CSMD1: variants seen among roughly 807,000 people sequenced by gnomAD.
CSMD1 encodes CUB and sushi domain-containing protein 1.
In CSMD1, 213 loss-of-function variants were observed where a neutral mutation model predicts 417.5. That is an observed-to-expected ratio of 0.51 (90% CI 0.46 to 0.57). The LOEUF is 0.57. Among genes scored for constraint, CSMD1 ranks in the 20% least tolerant of loss-of-function variants. The pLI is 0.00. For synonymous variants in CSMD1, 2,862 were observed against 1,736.8 expected (o/e 1.65, Z -16.11); for missense variants, 6,923 against 4,529.7 (o/e 1.53, Z -15.17).
chr8:4,959,994 T>A (rs560506000), intron 1 of CSMD1, among the ~76,000 whole-genome samples: 1 of 152,360 alleles, frequency 6.6e-6, no homozygotes, highest in East Asian at 1.9e-4. Flanking sequence ...TTATGGTTTC[T>A]CTTTGCTCAC....
intron 7 of CSMD1, among the ~76,000 whole-genome samples, chr8:3,660,462 A>C (rs1255844997): frequency 7.0e-6 from 1 of 143,234 alleles, no homozygotes; most frequent in Non-Finnish European, 1.5e-5. Context: ...TATGTAAACT[A>C]GGGCTCAGAT....
chr8:3,754,595 C>T (rs1797549490), intron 5 of CSMD1, among the ~76,000 whole-genome samples: 1 of 152,162 alleles, frequency 6.6e-6, no homozygotes, highest in South Asian at 2.1e-4. Context: ...GCTGGGATTA[C>T]AGGCATGCGC....
intron 9 of CSMD1, among the ~76,000 whole-genome samples, chr8:3,576,481 G>C (rs1055771946): frequency 6.6e-6 from 1 of 152,100 alleles, no homozygotes; most frequent in Non-Finnish European, 1.5e-5. Context: ...GTGAAAATGG[G>C]ACAACATAAT....
At position 2,973,120 on chromosome 8, in the gene CSMD1, C is replaced by T. The variant is rs772064577; in HGVS notation, c.8920G>A (p.Glu2974Lys). 6.2e-7 allele frequency: 1 copy of T among 1,613,466 alleles called. No homozygotes were observed. The highest frequency in any genetic ancestry group is 8.5e-7 in the Non-Finnish European group (1 of 1,179,538). ...CTTAAGGCTTCTGGCTACTCACCCT[C>T]ACACACCGGCTGCAGTCCTGACCAT... ...GSWSGLQPVC[E>K]AVSCGNPGTP... Residue 2974 changes from glutamate (E) to lysine (K), a missense_variant, in exon 57 of 70, where the codon GAG becomes AAG. Physicochemically the swap from Glu to Lys is moderately conservative, Grantham distance 56. Coordinates refer to ENST00000635120, the MANE Select transcript of CSMD1 (RefSeq NM_033225.6).
At chr8:3,949,018 A>G (rs1004346398) in intron 5 of CSMD1, among the ~76,000 whole-genome samples, 6 of 152,204 alleles carry the variant, frequency 3.9e-5, no homozygotes, top group African/African-American at 1.4e-4. Flanking sequence ...ATTAAATCTG[A>G]ACTAGAATTT....
chr8:3,745,376 G>A lies in CSMD1; in HGVS notation c.931+8554C>T, dbSNP rs563753001. On this transcript the variant is annotated intron_variant, in intron 6 of 69. Transcript: ENST00000635120. ...ACCACTGAGACTGAGCTGACCAGCA[G>A]GAGGGAACCCTCTGAGACATTTCTT... 2.4e-4 allele frequency among the ~76,000 whole-genome samples: 37 copies of A among 152,268 alleles called. 1 individual carries two copies. The South Asian group carries it at 7.5e-3, about 31-fold the overall frequency.
At chr8:3,658,957 A>G (rs939621842) in intron 7 of CSMD1, among the ~76,000 whole-genome samples, 3 of 152,164 alleles carry the variant, frequency 2.0e-5, no homozygotes, top group Non-Finnish European at 4.4e-5. Context: ...TATAACTTTC[A>G]TATGCTAGGA....
chr8:4,729,444 G>A (rs1186448484), intron 1 of CSMD1, among the ~76,000 whole-genome samples: 1 of 152,164 alleles, frequency 6.6e-6, no homozygotes, highest in Non-Finnish European at 1.5e-5. Flanking sequence ...TTGCGGCAGA[G>A]GGGAGCAGAG....
intron 4 of CSMD1, among the ~76,000 whole-genome samples, chr8:4,021,555 A>C (rs1165830930): frequency 1.3e-5 from 2 of 152,312 alleles, no homozygotes; most frequent in East Asian, 3.9e-4. Flanking sequence ...CCTTCTGAGC[A>C]GGTGCACCTG....
intron 1 of CSMD1, among the ~76,000 whole-genome samples, chr8:4,936,156 C>A (rs1039227917): frequency 3.3e-5 from 5 of 152,288 alleles, no homozygotes; most frequent in African/African-American, 1.2e-4. Context: ...CTTGCTACAT[C>A]TAGATCCTGA....
intron 4 of CSMD1, among the ~76,000 whole-genome samples, chr8:4,019,252 C>G (rs1202121658): frequency 2.0e-5 from 3 of 152,186 alleles, no homozygotes; most frequent in Non-Finnish European, 2.9e-5. Context: ...GGCACTCTCT[C>G]TTACAGACTA....
intron 2 of CSMD1, among the ~76,000 whole-genome samples, chr8:4,530,977 C>T (rs1215220601): frequency 6.6e-6 from 1 of 152,036 alleles, no homozygotes; most frequent in African/African-American, 2.4e-5. Context: ...CCCTCCGGCA[C>T]CAAGATGTGA....
intron 3 of CSMD1, among the ~76,000 whole-genome samples, chr8:4,349,281 T>C (rs894203704): frequency 6.6e-6 from 1 of 152,178 alleles, no homozygotes; most frequent in Non-Finnish European, 1.5e-5. Flanking sequence ...AAAACAATTT[T>C]TGCAGCAGTG....
intron 7 of CSMD1, among the ~76,000 whole-genome samples, chr8:3,659,268 T>A (rs1325527245): frequency 1.3e-5 from 2 of 152,202 alleles, no homozygotes; most frequent in African/African-American, 4.8e-5. Flanking sequence ...TAACAAAGAC[T>A]ACCAAATTGC....
chr8:4,964,305 A>G (rs575283659), intron 1 of CSMD1, among the ~76,000 whole-genome samples: 3 of 151,998 alleles, frequency 2.0e-5, no homozygotes, highest in South Asian at 4.2e-4. Flanking sequence ...CTTAAGTCCC[A>G]AAGTTCAACA....
intron 3 of CSMD1, among the ~76,000 whole-genome samples, chr8:4,155,525 GT>G (rs1796790087): frequency 6.6e-6 from 1 of 152,060 alleles, no homozygotes; most frequent in African/African-American, 2.4e-5. Context: ...AACTTAAATG[GT>G]TAAAAAAGTT....
At chr8:3,914,942 G>A (rs561840009) in intron 5 of CSMD1, among the ~76,000 whole-genome samples, 2 of 152,114 alleles carry the variant, frequency 1.3e-5, no homozygotes, top group Non-Finnish European at 2.9e-5. Flanking sequence ...CAACAACAAC[G>A]ACAACAACAA....
chr8:4,361,031 T>G (rs745626810), intron 3 of CSMD1, among the ~76,000 whole-genome samples: 3 of 152,208 alleles, frequency 2.0e-5, no homozygotes, highest in African/African-American at 7.2e-5. Context: ...TTAAAATTAA[T>G]GCTATATTGA....
chr8:4,617,522 G>T (rs2130806016), intron 2 of CSMD1, among the ~76,000 whole-genome samples: 1 of 152,208 alleles, frequency 6.6e-6, no homozygotes, highest in South Asian at 2.1e-4. Context: ...ATGCTATGAG[G>T]TTTCTGTCTG....
Sources: gnomAD v4.1 joint callset for allele counts (sites outside exome capture counted in the v4.1 genomes callset) on GRCh38, gnomAD v4.1.1 for gene constraint, MANE v1.5 for transcripts, NCBI Gene and HGNC (gene_info 2026-07-23, HGNC 2026-07-21) for gene names.